The following MEGF10 variants were observed in gnomAD, a reference collection of about 807,000 sequenced individuals.
MEGF10 encodes the protein multiple epidermal growth factor-like domains protein 10.
MEGF10 carries 86 observed loss-of-function variants against 147.5 expected under a neutral mutation model. That is an observed-to-expected ratio of 0.58 (90% confidence interval 0.49 to 0.70). MEGF10 has a LOEUF of 0.70. Ranked by LOEUF, MEGF10 falls within the 30% of genes least tolerant of loss-of-function variation. The pLI is 0.00. For synonymous variants in MEGF10, 478 were observed against 525.5 expected, an observed-to-expected ratio of 0.91 and a Z score of 1.24; for missense variants, 1,329 against 1,487.3, an observed-to-expected ratio of 0.89 and a Z score of 1.75.
the MEGF10 span, among the ~76,000 whole-genome samples, chr5:127,239,475 T>A: frequency 0.46 from 63,129 of 137,324 alleles, 14,292 homozygotes; most frequent in Admixed American, 0.55. Context: ...TATATATATA[T>A]AATATATATA....
chr5:127,318,985 C>A (rs1042418748), intron 1 of MEGF10, among the ~76,000 whole-genome samples: 1 of 152,078 alleles, frequency 6.6e-6, no homozygotes, highest in African/African-American at 2.4e-5. Flanking sequence ...AATTCTAAAT[C>A]TTGTTCCAAA....
chr5:127,307,602 CAT>C (rs1760073122), intron 1 of MEGF10, among the ~76,000 whole-genome samples: 1 of 152,190 alleles, frequency 6.6e-6, no homozygotes, highest in South Asian at 2.1e-4. Flanking sequence ...GCTCTACTGA[CAT>C]GTCTCTTCAA....
At chr5:127,379,947 C>CA (rs1402533561) in intron 5 of MEGF10, among the ~76,000 whole-genome samples, 1 of 152,164 alleles carries the variant, frequency 6.6e-6, no homozygotes, top group East Asian at 1.9e-4. Context: ...TAAGTGCCAC[C>CA]ACCATACAGA....
chr5:127,346,292 C>T (rs573294207), intron 4 of MEGF10, among the ~76,000 whole-genome samples: 1 of 152,278 alleles, frequency 6.6e-6, no homozygotes, highest in African/African-American at 2.4e-5. Context: ...CACCGTTTTC[C>T]ATAGTGGTTG....
intron 5 of MEGF10, among the ~76,000 whole-genome samples, chr5:127,387,339 G>A (rs1042500175): frequency 6.6e-6 from 1 of 152,046 alleles, no homozygotes; most frequent in African/African-American, 2.4e-5. Context: ...TTTTTCTAAT[G>A]CCTTGTTTTT....
At chr5:127,313,573 C>T (rs995144078) in intron 1 of MEGF10, among the ~76,000 whole-genome samples, 1 of 152,190 alleles carries the variant, frequency 6.6e-6, no homozygotes, top group East Asian at 1.9e-4. Context: ...CTTTATGGCA[C>T]TTCATATTTG....
chr5:127,238,700 C>T, the MEGF10 span, among the ~76,000 whole-genome samples: 4 of 152,256 alleles, frequency 2.6e-5, no homozygotes, highest in East Asian at 3.9e-4. Flanking sequence ...CTAATATCTT[C>T]TAATTGCTGT....
At chr5:127,415,356 G>A (rs1204190621) in intron 9 of MEGF10, among the ~76,000 whole-genome samples, 1 of 152,152 alleles carries the variant, frequency 6.6e-6, no homozygotes, top group East Asian at 1.9e-4. Context: ...TAAACAGTCT[G>A]GATTTTTTTC....
intron 4 of MEGF10, among the ~76,000 whole-genome samples, chr5:127,346,218 T>C (rs1281763118): frequency 6.6e-6 from 1 of 152,204 alleles, no homozygotes; most frequent in East Asian, 1.9e-4. Flanking sequence ...CTCTGCTAGA[T>C]ACCCAATAGT....
intron 21 of MEGF10, among the ~76,000 whole-genome samples, chr5:127,448,375 CAG>C (rs141594781): frequency 3.3e-4 from 51 of 152,274 alleles, no homozygotes; most frequent in Non-Finnish European, 5.1e-4. Flanking sequence ...AGGTTGGAGA[CAG>C]AGTGTCTAGA....
intron 16 of MEGF10, among the ~76,000 whole-genome samples, chr5:127,436,368 C>T (rs1403897817): frequency 6.6e-6 from 1 of 152,038 alleles, no homozygotes; most frequent in Non-Finnish European, 1.5e-5. Context: ...CATAAGTAGT[C>T]CAGGCTGTAC....
intron 5 of MEGF10, among the ~76,000 whole-genome samples, chr5:127,370,814 G>T (rs184257166): frequency 2.0e-5 from 3 of 151,630 alleles, no homozygotes; most frequent in Non-Finnish European, 4.4e-5. Context: ...TTCTTTTTTC[G>T]CCTTGAGAAA....
At chr5:127,254,502 T>C in the MEGF10 span, among the ~76,000 whole-genome samples, 1 of 152,106 alleles carries the variant, frequency 6.6e-6, no homozygotes, top group Non-Finnish European at 1.5e-5. Flanking sequence ...AAGCTAATAA[T>C]TATTTCATTT....
chr5:127,445,600 T>C lies in MEGF10; in HGVS notation c.2635T>C (p.Tyr879His), dbSNP rs1765915664. The C allele has an allele frequency of 6.2e-7, 1 of 1,614,120 alleles. No homozygotes were observed. Among genetic ancestry groups the C allele is most frequent in the Non-Finnish European group, 8.5e-7 (1 of 1,180,012 alleles). The change falls in exon 20 of 25, where the codon TAT becomes CAT. Residue 879 changes from tyrosine to histidine, a missense_variant. Tyr to His is a moderately conservative substitution (Grantham distance 83). Around this residue, in one of 3 missense-constraint regions of MEGF10, gnomAD observed 343 missense variants for 377.9 expected, o/e 0.91. Transcript: ENST00000503335. ...VLFLLALFII[Y>H]RHKQKGKESS... ...CTTCCTACTGGCATTGTTCATTATT[T>C]ATAGACACAAGCAGAAGGGAAAGGA... is the stretch of plus-strand genomic sequence containing the variant.
chr5:127,341,468 C>A (rs1341494853), intron 4 of MEGF10, among the ~76,000 whole-genome samples: 2 of 152,084 alleles, frequency 1.3e-5, no homozygotes, highest in Non-Finnish European at 2.9e-5. Flanking sequence ...ATCTGGAAAG[C>A]CCAGTGATAT....
the MEGF10 span, among the ~76,000 whole-genome samples, chr5:127,278,934 A>G: frequency 6.6e-6 from 1 of 152,210 alleles, no homozygotes; most frequent in Non-Finnish European, 1.5e-5. Context: ...TCCACTTAGT[A>G]CTAGTAGTCA....
At chr5:127,398,187 C>T (rs1763994338) in intron 6 of MEGF10, among the ~76,000 whole-genome samples, 1 of 151,554 alleles carries the variant, frequency 6.6e-6, no homozygotes, top group South Asian at 2.1e-4. Flanking sequence ...ACCTATGTAA[C>T]AAACCTGCAT....
chr5:127,254,850 G>A, the MEGF10 span, among the ~76,000 whole-genome samples: 13 of 151,144 alleles, frequency 8.6e-5, no homozygotes, highest in Non-Finnish European at 1.2e-4. Flanking sequence ...TATTGATATC[G>A]TAATCACCTG....
At chr5:127,279,412 G>A in the MEGF10 span, among the ~76,000 whole-genome samples, 1 of 152,080 alleles carries the variant, frequency 6.6e-6, no homozygotes, top group Non-Finnish European at 1.5e-5. Context: ...CATGTTCATT[G>A]GAAGAAAGGA....
Sources: allele counts gnomAD v4.1 joint callset (sites outside exome capture counted in the v4.1 genomes callset), GRCh38; gene constraint gnomAD v4.1.1; regional missense constraint gnomAD v4.1.1; transcripts MANE v1.5; gene names NCBI Gene and HGNC (gene_info 2026-07-23, HGNC 2026-07-21).